The following ACSF3 variants were observed in gnomAD, a reference collection of about 807,000 sequenced individuals.
ACSF3 encodes the protein malonate--CoA ligase ACSF3, mitochondrial.
Under a neutral mutation model 53.2 loss-of-function variants are expected in ACSF3, and 78 were observed. The observed-to-expected ratio is 1.47, with a 90% CI of 1.22 to 1.77. ACSF3 has a LOEUF of 1.77. Ranked by LOEUF, ACSF3 falls within the 40% of genes most tolerant of loss-of-function variation. The pLI is 0.00. For missense variants in ACSF3, 937 were observed against 771.1 expected (o/e 1.22, Z -2.55); for synonymous variants, 414 against 333.1 (o/e 1.24, Z -2.65).
intron 7 of ACSF3, among the ~76,000 whole-genome samples, chr16:89,125,149 G>GC (rs1907732231): frequency 6.6e-6 from 1 of 152,080 alleles, no homozygotes; most frequent in African/African-American, 2.4e-5. Context: ...TTCAAGACCA[G>GC]CCTGACCAAG....
rs557202405 is a variant in ACSF3 at position 89,123,792 on chromosome 16, G to A, written c.1239+2879G>A. On this transcript the variant is annotated intron_variant, in intron 7 of 10. Transcript: ENST00000614302. ...ATCATCCCCGGGGCCAGAGTATCTG[G>A]ACCCTCCCCAGGTGGCAGCTGGCCT... Among the ~76,000 whole-genome samples the A allele has an allele frequency of 5.3e-5, 8 of 152,276 alleles. No individual in the cohort carries two copies. In the East Asian group the frequency reaches 9.7e-4, roughly 18 times the overall value.
Position 89,101,086 on chromosome 16 carries a change from GTA to G in ACSF3, c.407_408del (p.Tyr136CysfsTer133). ...GGAAGCATCCCGCGGCCCAGCTGGA[GTA>G]TGTCATCTGCGACTCCCAGAGCTCT... is the stretch of plus-strand genomic sequence containing the variant. The part of the protein sequence containing the change: ...YRKHPAAQLE[Y>X]VICDSQSSVV... On this transcript the variant is annotated frameshift_variant, in exon 3 of 11. Transcript: ENST00000614302. LOFTEE classifies it high-confidence loss of function. The G allele has an allele frequency of 6.2e-7, 1 of 1,614,134 alleles. No homozygotes were observed. The highest frequency in any genetic ancestry group is 1.3e-5 in the African/African-American group (1 of 75,064).
At chr16:89,116,542 G>T (rs533388989) in intron 6 of ACSF3, among the ~76,000 whole-genome samples, 1 of 152,158 alleles carries the variant, frequency 6.6e-6, no homozygotes, top group Non-Finnish European at 1.5e-5. Flanking sequence ...GTAAAGTCTC[G>T]GTTTGGCTGG....
intron 4 of ACSF3, among the ~76,000 whole-genome samples, chr16:89,107,437 C>T (rs1597920411): frequency 6.6e-6 from 1 of 151,780 alleles, no homozygotes; most frequent in South Asian, 2.1e-4. Context: ...CACGCGTGCT[C>T]TCCCCGCCTC....
rs1353176458 is a variant in ACSF3, at chr16:89,098,587, A to T, written c.-193-4A>T. The T allele has an allele frequency of 2.2e-6, 1 of 450,930 alleles. No individual in the cohort carries two copies. Among genetic ancestry groups the T allele is most frequent in the Admixed American group, 2.4e-5 (1 of 42,548 alleles). The allele number at this position is 450,930 out of a possible 1,614,324, so 27.9% of individuals were successfully genotyped here. The stretch of plus-strand genomic sequence containing the variant: ...GGGACCTCAGCACAGATGCCCGTTG[A>T]CAGGTGTCCCACCGGCCTTCCGGGT... On this transcript the variant is annotated splice_region_variant and splice_polypyrimidine_tract_variant and intron_variant, in intron 1 of 10. Transcript: ENST00000614302.
In ACSF3 at chr16:89,133,239, C is replaced by T. The variant is rs554194567; in HGVS notation, c.1343C>T (p.Thr448Ile). 4.3e-6 allele frequency: 7 copies of T among 1,614,142 alleles called. No individual in the cohort carries two copies. The highest frequency in any genetic ancestry group is 2.2e-5 in the East Asian group (1 of 44,884). ...CCAGAAGAAACTAAGAGTGCATTCA[C>T]CCTGGATGGCTGGTTTAAGACAGGT... is the stretch of plus-strand genomic sequence containing the variant. ...NKPEETKSAF[T>I]LDGWFKTGDT... Residue 448 changes from threonine to isoleucine, a missense_variant, in exon 8 of 11, where the codon ACC (threonine) becomes ATC (isoleucine). Thr to Ile is a moderately conservative substitution (Grantham distance 89). Coordinates refer to ENST00000614302, the MANE Select transcript of ACSF3 (RefSeq NM_001243279.3).
At chr16:89,151,252 C>T in intron 10 of ACSF3, 1 of 452,698 alleles carries the variant, frequency 2.2e-6, no homozygotes, top group South Asian at 1.6e-5. Context: ...TTCTGAGTTA[C>T]CAATTTAAAA....
intron 8 of ACSF3, among the ~76,000 whole-genome samples, chr16:89,139,134 C>A (rs1173159045): frequency 2.6e-5 from 4 of 152,202 alleles, no homozygotes; most frequent in African/African-American, 9.7e-5. Flanking sequence ...ATGGAGTCGC[C>A]GCTGAGAACT....
chr16:89,097,412 A>G (rs1567678916), intron 1 of ACSF3, among the ~76,000 whole-genome samples: 1 of 152,206 alleles, frequency 6.6e-6, no homozygotes, highest in African/African-American at 2.4e-5. Context: ...CACCCCAGAA[A>G]GCACCGTCCC....
Position 89,133,129 on chromosome 16 carries a change from T to G in ACSF3, c.1240-7T>G, listed in dbSNP as rs1909681300. 2 of 1,613,414 alleles carry G rather than the reference T, an allele frequency of 1.2e-6. No individual in the cohort carries two copies. The highest frequency in any genetic ancestry group is 4.5e-5 in the East Asian group (2 of 44,900). On this transcript the variant is annotated splice_polypyrimidine_tract_variant and splice_region_variant and intron_variant, in intron 7 of 10. Coordinates refer to ENST00000614302, the MANE Select transcript of ACSF3 (RefSeq NM_001243279.3). ...GCTCTGACCTCCATGTTCTTCATCC[T>G]CCACAGGTGACCCCAGGGTTTGAAG... is the stretch of plus-strand genomic sequence containing the variant.
chr16:89,145,872 G>T (rs1567747240), intron 9 of ACSF3, 66 bp from the exon 10 acceptor site: 4 of 1,360,760 alleles, frequency 2.9e-6, no homozygotes, highest in Non-Finnish European at 4.2e-6. Context: ...GTGTGTCCAG[G>T]CACTCTTCGG....
chr16:89,155,548 C>T lies in ACSF3; in HGVS notation c.*1341C>T, dbSNP rs1006820102. On this transcript the variant is annotated 3_prime_UTR_variant, in exon 11 of 11. Coordinates refer to ENST00000614302, the MANE Select transcript of ACSF3 (RefSeq NM_001243279.3). ...GGCCCTGCCCCACCCGAACTCCTGCCTCACGGTGTGGCCTTGTGCATCCCC... is the reference window on the plus strand; with the variant it reads ...GGCCCTGCCCCACCCGAACTCCTGCTTCACGGTGTGGCCTTGTGCATCCCC... 14 of 454,168 alleles carry T rather than the reference C, an allele frequency of 3.1e-5. No homozygotes were observed. Among genetic ancestry groups the T allele is most frequent in the Admixed American group, 9.4e-5 (4 of 42,582 alleles). 28.1% of individuals were successfully genotyped at this position (454,168 alleles called of 1,614,324 possible). A position where few individuals can be genotyped will look rare whatever the true frequency, so the allele number is the denominator to read the frequency against.
chr16:89,103,668 C>T (rs1975637876), intron 4 of ACSF3, among the ~76,000 whole-genome samples: 1 of 152,218 alleles, frequency 6.6e-6, no homozygotes, highest in Admixed American at 6.5e-5. Context: ...ACTGTGGCAG[C>T]CCTCGGTTAC....
At chr16:89,147,931 G>A (rs375704292) in intron 10 of ACSF3, 50 of 152,310 alleles carry the variant, frequency 3.3e-4, no homozygotes, top group African/African-American at 1.1e-3. Flanking sequence ...CTATGAGCCT[G>A]TAAAATCAAA....
intron 10 of ACSF3, chr16:89,149,511 C>G (rs1031219188): frequency 1.3e-5 from 2 of 150,382 alleles, no homozygotes; most frequent in African/African-American, 4.9e-5. Context: ...TTGGCTTATG[C>G]ACTGGCTCAG....
At chr16:89,143,363 A>G (rs1912254281) in intron 8 of ACSF3, among the ~76,000 whole-genome samples, 1 of 152,150 alleles carries the variant, frequency 6.6e-6, no homozygotes, top group African/African-American at 2.4e-5. Context: ...CGGCAGGACC[A>G]GAGCAGGGCA....
chr16:89,146,145 T>A, intron 10 of ACSF3, 96 bp downstream of exon 10: 1 of 885,546 alleles, frequency 1.1e-6, no homozygotes, highest in Non-Finnish European at 1.8e-6. Flanking sequence ...GTCTTAGAGG[T>A]GGAGATGAGG....
chr16:89,118,496 C>T (rs562653855), intron 6 of ACSF3, among the ~76,000 whole-genome samples: 10 of 152,362 alleles, frequency 6.6e-5, no homozygotes, highest in East Asian at 3.9e-4. Flanking sequence ...ACCCTTGGGT[C>T]GGCTCCAGCC....
Position 89,136,598 on chromosome 16 carries a change from AGC to A in ACSF3, c.1366+3337_1366+3338del, listed in dbSNP as rs1389759196. On this transcript the variant is annotated intron_variant, in intron 8 of 10. Transcript: ENST00000614302. ...GCATAAGCCGGCGGGCACAGGGGAC[AGC>A]CAGGGATGGCTGGACACAGCTGAGG... 3.1e-6 allele frequency: 4 copies of A among 1,285,544 alleles called. No individual in the cohort carries two copies. In the African/African-American group the frequency reaches 6.1e-5, roughly 20 times the overall value. 79.6% of individuals were successfully genotyped at this position (1,285,544 alleles called of 1,614,324 possible).
Sources: gnomAD v4.1 joint callset for allele counts (sites outside exome capture counted in the v4.1 genomes callset) on GRCh38, gnomAD v4.1.1 for gene constraint, MANE v1.5 for transcripts, NCBI Gene and HGNC (gene_info 2026-07-23, HGNC 2026-07-21) for gene names.